The following ABCD2 variants were observed in gnomAD, a reference collection of about 807,000 sequenced individuals.
The protein encoded by ABCD2 is ATP-binding cassette sub-family D member 2.
Under a neutral mutation model 70.9 loss-of-function variants are expected in ABCD2, and 36 were observed. The observed-to-expected ratio is 0.51, with a 90% CI of 0.39 to 0.67. The LOEUF (loss-of-function observed/expected upper bound fraction) is 0.67, where lower values mean the gene tolerates loss of function less well. ABCD2 is among the 30% of genes least tolerant of loss of function. The pLI, the probability that ABCD2 is intolerant of heterozygous loss-of-function variation, is 0.00. For synonymous variants in ABCD2, 304 were observed against 306.9 expected, an observed-to-expected ratio of 0.99 and a Z score of 0.10; for missense variants, 729 against 890.2, an observed-to-expected ratio of 0.82 and a Z score of 2.30.
Position 39,554,104 on chromosome 12 carries a change from A to G in ABCD2, c.2031T>C (p.Phe677=). The change falls in exon 10 of 10, where the codon TTT becomes TTC. Residue 677 remains phenylalanine, a synonymous_variant. Coordinates refer to ENST00000308666, the MANE Select transcript of ABCD2 (RefSeq NM_005164.4). ...CAAAGCGCCAACCTCCTTCACCATCAAACTGTAATAAATGTGTGTGGTATT... is the reference window on the plus strand; with the variant it reads ...CAAAGCGCCAACCTCCTTCACCATCGAACTGTAATAAATGTGTGTGGTATT... ...LWKYHTHLLQ[F]DGEGGWRFEQ... 5 of 1,613,400 alleles carry G rather than the reference A, an allele frequency of 3.1e-6. No homozygotes were observed. Among genetic ancestry groups the G allele is most frequent in the Non-Finnish European group, 4.2e-6 (5 of 1,179,658 alleles).
the ABCD2 span, chr12:39,539,563 T>C: frequency 6.4e-6 from 1 of 156,330 alleles, no homozygotes; most frequent in African/African-American, 2.4e-5. Context: ...TGGAAAGTTA[T>C]TGTAGGAGTT....
chr12:39,572,760 C>G (rs1331542642), intron 9 of ABCD2, among the ~76,000 whole-genome samples: 1 of 152,118 alleles, frequency 6.6e-6, no homozygotes, highest in Non-Finnish European at 1.5e-5. Flanking sequence ...ATCTGATCAG[C>G]CACCTGCCAC....
chr12:39,565,862 C>CAT (rs1444871073), intron 9 of ABCD2, among the ~76,000 whole-genome samples: 5 of 152,104 alleles, frequency 3.3e-5, no homozygotes, highest in African/African-American at 1.2e-4. Context: ...TTGTTAGAGG[C>CAT]CTTTTCTGCA....
intron 2 of ABCD2, among the ~76,000 whole-genome samples, chr12:39,610,058 A>G (rs1298107182): frequency 3.9e-5 from 6 of 152,152 alleles, no homozygotes; most frequent in Admixed American, 3.9e-4. Flanking sequence ...TGCTTCATGG[A>G]GGAGTAGATT....
chr12:39,562,963 C>G (rs973373631), intron 9 of ABCD2, among the ~76,000 whole-genome samples: 1 of 152,126 alleles, frequency 6.6e-6, no homozygotes, highest in African/African-American at 2.4e-5. Flanking sequence ...AGGTCATTCA[C>G]CATGATCACG....
the ABCD2 span, among the ~76,000 whole-genome samples, chr12:39,544,161 G>A: frequency 6.6e-6 from 1 of 152,146 alleles, no homozygotes; most frequent in African/African-American, 2.4e-5. Context: ...TGAGCCAGAA[G>A]TGCTGATTGG....
At chr12:39,600,807 G>A (rs1268617714) in intron 5 of ABCD2, 91 bp from the exon 6 acceptor site, 20 of 1,218,072 alleles carry the variant, frequency 1.6e-5, no homozygotes, top group Middle Eastern at 2.5e-4. Context: ...TAAAATGTTC[G>A]AAAACATGAT....
rs894970950 is a variant in ABCD2 at position 39,597,307 on chromosome 12, G to A, written c.1646+3264C>T. Among the ~76,000 whole-genome samples the A allele has an allele frequency of 3.3e-5, 5 of 152,138 alleles. No individual in the cohort carries two copies. In the South Asian group the frequency reaches 1.0e-3, roughly 32 times the overall value. Reference sequence around the variant, plus strand: ...ATTCCAATTTATTATTTTGATGATTGTTAGCATACTATAAAATTTTGTTAG... The same window carrying A: ...ATTCCAATTTATTATTTTGATGATTATTAGCATACTATAAAATTTTGTTAG... On this transcript the variant is annotated intron_variant, in intron 6 of 9. Coordinates refer to ENST00000308666, the MANE Select transcript of ABCD2 (RefSeq NM_005164.4).
rs1290183927 is a variant in ABCD2 at position 39,618,865 on chromosome 12, C to CTCCTT, written c.750_751insAAGGA (p.Ala251LysfsTer11). ...AGTAGGGTGGGCCCAATTGGGCTTG[C>CTCCTT]TCCTCTGGATGTAGCAGTTTGAATG... On this transcript the variant is annotated frameshift_variant, in exon 1 of 10. Coordinates refer to ENST00000308666, the MANE Select transcript of ABCD2 (RefSeq NM_005164.4). LOFTEE classifies it high-confidence loss of function. The CTCCTT allele has an allele frequency of 6.2e-7, 1 of 1,614,066 alleles. No individual in the cohort carries two copies. The highest frequency in any genetic ancestry group is 8.5e-7 in the Non-Finnish European group (1 of 1,180,042).
intron 8 of ABCD2, among the ~76,000 whole-genome samples, chr12:39,574,536 A>G (rs919834781): frequency 1.3e-5 from 2 of 152,052 alleles, no homozygotes; most frequent in Non-Finnish European, 2.9e-5. Flanking sequence ...CCCTCTGCTT[A>G]TCCTTTCTCC....
intron 5 of ABCD2, 76 bp downstream of exon 5, chr12:39,603,836 A>G: frequency 5.5e-6 from 6 of 1,095,264 alleles, no homozygotes; most frequent in Non-Finnish European, 8.2e-6. Context: ...AGTATTTAAC[A>G]TAAGGTACAT....
chr12:39,584,955 G>T (rs1941645797), intron 7 of ABCD2, among the ~76,000 whole-genome samples: 1 of 152,150 alleles, frequency 6.6e-6, no homozygotes, highest in African/African-American at 2.4e-5. Flanking sequence ...GCAGCATGAT[G>T]CCTCCAGCTT....
At position 39,604,880 on chromosome 12, in the gene ABCD2, G is replaced by C; in HGVS notation, c.1287C>G (p.Val429=). 6.2e-7 allele frequency: 1 copy of C among 1,612,016 alleles called. No individual in the cohort carries two copies. ...AAATGCCTCTTTTTACTTCATCAAAGACCCAAAACATATTGTACACTCGAG... is the reference window on the plus strand; with the variant it reads ...AAATGCCTCTTTTTACTTCATCAAACACCCAAAACATATTGTACACTCGAG... The part of the protein sequence containing the change: ...YTARVYNMFW[V]FDEVKRGIYK... The change falls in exon 4 of 10, where the codon GTC becomes GTG. Residue 429 remains valine (V), a synonymous_variant. Coordinates refer to ENST00000308666, the MANE Select transcript of ABCD2 (RefSeq NM_005164.4).
chr12:39,604,465 G>C (rs541684053), intron 4 of ABCD2, among the ~76,000 whole-genome samples: 1 of 151,964 alleles, frequency 6.6e-6, no homozygotes, highest in African/African-American at 2.4e-5. Flanking sequence ...ACATTAGCTC[G>C]AATTCTATTT....
In ABCD2 at chr12:39,600,548, G is replaced by A. The variant is rs536441048; in HGVS notation, c.1646+23C>T. 3.9e-6 allele frequency: 6 copies of A among 1,524,674 alleles called. No homozygotes were observed. The South Asian group carries it at 6.7e-5, about 17-fold the overall frequency. 94.4% of individuals were successfully genotyped at this position (1,524,674 alleles called of 1,614,324 possible). ...CAAGAGCAAAAGGAAATTGTTTCTTGTAATATAAAAAGATATACCTACCTT... is the reference window on the plus strand; with the variant it reads ...CAAGAGCAAAAGGAAATTGTTTCTTATAATATAAAAAGATATACCTACCTT... On this transcript the variant is annotated intron_variant, in intron 6 of 9. Transcript: ENST00000308666.
chr12:39,608,396 C>G (rs1204620142), intron 2 of ABCD2, among the ~76,000 whole-genome samples: 1 of 152,018 alleles, frequency 6.6e-6, no homozygotes, highest in Non-Finnish European at 1.5e-5. Context: ...CAATAATGTA[C>G]TACTGGGCGG....
At chr12:39,563,283 C>T (rs747716433) in intron 9 of ABCD2, among the ~76,000 whole-genome samples, 2 of 152,114 alleles carry the variant, frequency 1.3e-5, no homozygotes, top group African/African-American at 2.4e-5. Flanking sequence ...CTTAGTACTT[C>T]GGGAGGCCAA....
Position 39,617,126 on chromosome 12 carries a change from C to G in ABCD2, c.982G>C (p.Asp328His). The change falls in exon 2 of 10, where the codon GAT becomes CAT. Residue 328 changes from aspartate to histidine, a missense_variant. Transcript: ENST00000308666. ...QLQKSYKALADQMNLILSKRL... is the reference protein window; with the variant it reads ...QLQKSYKALAHQMNLILSKRL... The stretch of plus-strand genomic sequence containing the variant: ...TTGGATAAAATGAGGTTCATCTGAT[C>G]TGCTAAAGCTTTGTAACTTTTCTGA... The G allele has an allele frequency of 6.2e-7, 1 of 1,605,010 alleles. No homozygotes were observed. Among genetic ancestry groups the G allele is most frequent in the Non-Finnish European group, 8.5e-7 (1 of 1,176,454 alleles).
chr12:39,568,530 A>G (rs1281911779), intron 9 of ABCD2, among the ~76,000 whole-genome samples: 2 of 151,950 alleles, frequency 1.3e-5, no homozygotes, highest in African/African-American at 4.8e-5. Flanking sequence ...CCATTCGTCT[A>G]ATTTTTTTTC....
Sources: gnomAD v4.1 joint callset for allele counts (sites outside exome capture counted in the v4.1 genomes callset) on GRCh38, gnomAD v4.1.1 for gene constraint, MANE v1.5 for transcripts, NCBI Gene and HGNC (gene_info 2026-07-23, HGNC 2026-07-21) for gene names.